Variants in ATRN observed in about 807,000 individuals in gnomAD.
ATRN encodes attractin, also known as attractin-2.
A neutral mutation model predicts 178.7 loss-of-function variants in ATRN; 54 were observed. The observed-to-expected ratio is 0.30, with a 90% CI of 0.24 to 0.38. The LOEUF is 0.38. Among genes scored for constraint, ATRN ranks in the 10% least tolerant of loss-of-function variants. The pLI, the probability that ATRN is intolerant of heterozygous loss-of-function variation, is 1.00. For synonymous variants in ATRN, 636 were observed against 663.0 expected (o/e 0.96, Z 0.63); for missense variants, 1,443 against 1,815.1 (o/e 0.79, Z 3.73).
intron 1 of ATRN, among the ~76,000 whole-genome samples, chr20:3,522,997 C>A (rs6051914): frequency 6.6e-6 from 1 of 151,922 alleles, no homozygotes; most frequent in Non-Finnish European, 1.5e-5. Context: ...AAAACAAGAA[C>A]GCCTCTTCTT....
intron 4 of ATRN, among the ~76,000 whole-genome samples, chr20:3,546,965 A>G (rs1223664523): frequency 6.6e-6 from 1 of 152,214 alleles, no homozygotes; most frequent in Admixed American, 6.5e-5. Context: ...GAAGAATAGG[A>G]TAGTCCTCCC....
intron 1 of ATRN, among the ~76,000 whole-genome samples, chr20:3,498,764 A>C (rs1259955991): frequency 6.6e-6 from 1 of 150,612 alleles, no homozygotes; most frequent in Non-Finnish European, 1.5e-5. Context: ...TCCCTTTGAA[A>C]ACTGGCACAA....
Position 3,471,314 on chromosome 20 carries a change from G to A in ATRN, c.207G>A (p.Ser69=). Residue 69 remains serine, a synonymous_variant, in exon 1 of 29, where the codon TCG becomes TCA. Transcript: ENST00000262919. The part of the protein sequence containing the change: ...PRLLLLLLLL[S]PPLLLLLLPC... ...TGCTGCTGCTGCTGTTGTTGCTCTCGCCGCCGCTGCTGCTGCTGCTGCTGC... is the reference window on the plus strand; with the variant it reads ...TGCTGCTGCTGCTGTTGTTGCTCTCACCGCCGCTGCTGCTGCTGCTGCTGC... 1 of 1,482,284 alleles carries A rather than the reference G, an allele frequency of 6.7e-7. No individual in the cohort carries two copies. The highest frequency in any genetic ancestry group is 8.9e-7 in the Non-Finnish European group (1 of 1,125,510). 91.8% of individuals were successfully genotyped at this position (1,482,284 alleles called of 1,614,324 possible). A position where few individuals can be genotyped will look rare whatever the true frequency, so the allele number is the denominator to read the frequency against.
intron 24 of ATRN, among the ~76,000 whole-genome samples, chr20:3,617,019 G>T (rs2086853869): frequency 6.6e-6 from 1 of 152,214 alleles, no homozygotes; most frequent in South Asian, 2.1e-4. Context: ...ATGTATGCCA[G>T]ATGAGTATAT....
chr20:3,505,988 A>G (rs550246689), intron 1 of ATRN, among the ~76,000 whole-genome samples: 20 of 152,338 alleles, frequency 1.3e-4, no homozygotes, highest in African/African-American at 4.6e-4. Context: ...GAAACTATTC[A>G]GTATCTTGAC....
rs80121416 is a variant in ATRN at position 3,486,695 on chromosome 20, A to G, written c.410+15178A>G. Among the ~76,000 whole-genome samples the G allele has an allele frequency of 7.6e-3, 1,165 of 152,304 alleles. 8 individuals are homozygous for G. The highest frequency in any genetic ancestry group is 0.026 in the African/African-American group (1,092 of 41,564). On this transcript the variant is annotated intron_variant, in intron 1 of 28. Coordinates refer to ENST00000262919, the MANE Select transcript of ATRN (RefSeq NM_139321.3). ...CCACACCAAACCATTCTGGTTTTTT[A>G]TAAGTGCTCTTGCTTTTACTCATAG...
intron 1 of ATRN, among the ~76,000 whole-genome samples, chr20:3,527,477 G>C (rs984405028): frequency 1.3e-5 from 2 of 152,196 alleles, no homozygotes; most frequent in Non-Finnish European, 2.9e-5. Context: ...CTGTTGGTAG[G>C]AGTGTAAATA....
At chr20:3,513,955 G>C (rs566923309) in intron 1 of ATRN, among the ~76,000 whole-genome samples, 8 of 152,190 alleles carry the variant, frequency 5.3e-5, no homozygotes, top group South Asian at 4.1e-4. Context: ...TATCCTGAGA[G>C]TTTGCTGAAG....
At chr20:3,551,852 A>G (rs1051133163) in intron 6 of ATRN, among the ~76,000 whole-genome samples, 19 of 152,268 alleles carry the variant, frequency 1.2e-4, no homozygotes, top group Admixed American at 2.6e-4. Context: ...CTTTATGGTC[A>G]TCTTTTCTGT....
At chr20:3,478,116 A>G (rs1226893189) in intron 1 of ATRN, among the ~76,000 whole-genome samples, 2 of 151,972 alleles carry the variant, frequency 1.3e-5, no homozygotes, top group Non-Finnish European at 2.9e-5. Context: ...TTCTGCTGCC[A>G]TTCTAATGTA....
chr20:3,549,980 C>A (rs1439047311), intron 6 of ATRN, among the ~76,000 whole-genome samples: 1 of 152,144 alleles, frequency 6.6e-6, no homozygotes, highest in Admixed American at 6.5e-5. Context: ...GTCATTAAAA[C>A]ACATCACACA....
chr20:3,471,416 G>A lies in ATRN; in HGVS notation c.309G>A (p.Arg103=). The change falls in exon 1 of 29, where the codon CGG becomes CGA. Residue 103 remains arginine (R), a synonymous_variant. Coordinates refer to ENST00000262919, the MANE Select transcript of ATRN (RefSeq NM_139321.3). Reference sequence around the variant, plus strand: ...CAGCCGAGGCCAAGGAATGTGACCGGCCCTGTGTCAACGGCGGTCGCTGCA... The same window carrying A: ...CAGCCGAGGCCAAGGAATGTGACCGACCCTGTGTCAACGGCGGTCGCTGCA... ...SAAAEAKECD[R]PCVNGGRCNP... 6.8e-7 allele frequency: 1 copy of A among 1,479,314 alleles called. No homozygotes were observed. Among genetic ancestry groups the A allele is most frequent in the Non-Finnish European group, 8.9e-7 (1 of 1,123,856 alleles). The allele number at this position is 1,479,314 out of a possible 1,614,324, so 91.6% of individuals were successfully genotyped here.
chr20:3,562,308 G>A lies in ATRN; in HGVS notation c.1480G>A (p.Gly494Ser). ...KNTWSILHTQGALVQGGYGHS... is the reference protein window; with the variant it reads ...KNTWSILHTQSALVQGGYGHS... ...CACATGGAGTATATTACACACCCAG[G>A]GTGCCCTTGTGCAAGGGGGTTACGG... The change falls in exon 9 of 29, where the codon GGT becomes AGT. Residue 494 changes from glycine (G) to serine (S), a missense_variant. Transcript: ENST00000262919. 1.2e-6 allele frequency: 2 copies of A among 1,614,014 alleles called. No individual in the cohort carries two copies. Among genetic ancestry groups the A allele is most frequent in the Non-Finnish European group, 1.7e-6 (2 of 1,179,934 alleles).
intron 7 of ATRN, among the ~76,000 whole-genome samples, chr20:3,560,427 A>G (rs946274513): frequency 2.6e-5 from 4 of 152,152 alleles, no homozygotes; most frequent in Admixed American, 2.0e-4. Context: ...TGTTTTGGCT[A>G]TTGTCAATTG....
chr20:3,522,554 C>G (rs1024928026), intron 1 of ATRN, among the ~76,000 whole-genome samples: 2 of 152,238 alleles, frequency 1.3e-5, no homozygotes, highest in African/African-American at 4.8e-5. Flanking sequence ...CAGCACACCA[C>G]TCGAGCTCTG....
chr20:3,542,980 C>T (rs1185693196), intron 3 of ATRN, among the ~76,000 whole-genome samples: 1 of 152,092 alleles, frequency 6.6e-6, no homozygotes, highest in Non-Finnish European at 1.5e-5. Context: ...TGGCCCTGAT[C>T]TTGTCAGTAC....
chr20:3,520,724 T>G (rs1300850900), intron 1 of ATRN, among the ~76,000 whole-genome samples: 1 of 152,162 alleles, frequency 6.6e-6, no homozygotes, highest in Non-Finnish European at 1.5e-5. Flanking sequence ...CTCGAACTCC[T>G]GGCCTCAAGT....
At chr20:3,473,555 G>A (rs557869317) in intron 1 of ATRN, among the ~76,000 whole-genome samples, 12 of 152,344 alleles carry the variant, frequency 7.9e-5, no homozygotes, top group Admixed American at 2.6e-4. Flanking sequence ...CGTAGTTCAC[G>A]CCTATTTTCA....
At chr20:3,580,730 G>A (rs1292367585) in intron 15 of ATRN, among the ~76,000 whole-genome samples, 1 of 152,186 alleles carries the variant, frequency 6.6e-6, no homozygotes, top group Non-Finnish European at 1.5e-5. Flanking sequence ...ATGGTTGGCT[G>A]CAGGCTGGAT....
Sources: allele counts gnomAD v4.1 joint callset (sites outside exome capture counted in the v4.1 genomes callset), GRCh38; gene constraint gnomAD v4.1.1; transcripts MANE v1.5; gene names NCBI Gene and HGNC (gene_info 2026-07-23, HGNC 2026-07-21).